The following CLSTN1 variants were observed in gnomAD, a reference collection of about 807,000 sequenced individuals.
The protein encoded by CLSTN1 is calsyntenin-1.
A neutral mutation model predicts 108.3 loss-of-function variants in CLSTN1; 28 were observed. The ratio of observed to expected loss-of-function variants is 0.26; its 90% CI spans 0.19 to 0.35. CLSTN1 has a LOEUF of 0.35. Among genes scored for constraint, CLSTN1 ranks in the 10% least tolerant of loss-of-function variants. CLSTN1 has a pLI of 1.00. For synonymous variants in CLSTN1, 524 were observed against 534.9 expected (o/e 0.98, Z 0.28); for missense variants, 1,157 against 1,302.6 (o/e 0.89, Z 1.72).
At chr1:9,760,956 C>T (rs1370300733) in intron 2 of CLSTN1, among the ~76,000 whole-genome samples, 1 of 151,996 alleles carries the variant, frequency 6.6e-6, no homozygotes, top group Non-Finnish European at 1.5e-5. Context: ...AAGGACCTCT[C>T]AGAATTGCCT....
In CLSTN1 at chr1:9,730,384, G is replaced by A. The variant is rs1200549701; in HGVS notation, c.*124C>T. On this transcript the variant is annotated 3_prime_UTR_variant, in exon 19 of 19. Coordinates refer to ENST00000377298, the MANE Select transcript of CLSTN1 (RefSeq NM_001009566.3). The surrounding 1 kb of genome is among the most constrained non-coding windows in gnomAD (Gnocchi z 5.6). ...ACACACCAAGCACAGCGACGATCGTGGCGGGGAGGGGTCTGCACACCTACT... is the reference window on the plus strand; with the variant it reads ...ACACACCAAGCACAGCGACGATCGTAGCGGGGAGGGGTCTGCACACCTACT... 1.2e-6 allele frequency: 1 copy of A among 836,194 alleles called. No individual in the cohort carries two copies. Among genetic ancestry groups the A allele is most frequent in the Admixed American group, 1.9e-5 (1 of 51,450 alleles). The allele number at this position is 836,194 out of a possible 1,614,324, so 51.8% of individuals were successfully genotyped here.
rs1650180823 is a variant in CLSTN1, at chr1:9,729,217, G to A, written c.*1291C>T. On this transcript the variant is annotated 3_prime_UTR_variant, in exon 19 of 19. Transcript: ENST00000377298. Reference sequence around the variant, plus strand: ...GGCCACACATAGCACAGCCACCAGTGTCCTCAGAACTAGCAGTCAGGGTCA... The same window carrying A: ...GGCCACACATAGCACAGCCACCAGTATCCTCAGAACTAGCAGTCAGGGTCA... 6.6e-6 allele frequency: 1 copy of A among 152,348 alleles called. No homozygotes were observed. The highest frequency in any genetic ancestry group is 2.1e-4 in the South Asian group (1 of 4,832). 9.4% of individuals were successfully genotyped at this position (152,348 alleles called of 1,614,324 possible).
At chr1:9,736,660 A>G (rs1304286655) in intron 11 of CLSTN1, among the ~76,000 whole-genome samples, 1 of 152,216 alleles carries the variant, frequency 6.6e-6, no homozygotes, top group Non-Finnish European at 1.5e-5. Flanking sequence ...AGCCAGAAAC[A>G]GGTTACACTA....
intron 2 of CLSTN1, among the ~76,000 whole-genome samples, chr1:9,769,204 C>T (rs1054029851): frequency 6.6e-6 from 1 of 151,682 alleles, no homozygotes; most frequent in African/African-American, 2.4e-5. Context: ...GGCTGCAGGT[C>T]AGGTGCTCCC....
intron 1 of CLSTN1, among the ~76,000 whole-genome samples, chr1:9,795,189 G>T (rs1430646832): frequency 6.7e-6 from 1 of 148,184 alleles, no homozygotes; most frequent in African/African-American, 2.5e-5. Context: ...TTTTGAGGTG[G>T]AGTTTCGTTC....
intron 1 of CLSTN1, among the ~76,000 whole-genome samples, chr1:9,777,732 C>G (rs2101177119): frequency 6.6e-6 from 1 of 152,270 alleles, no homozygotes; most frequent in South Asian, 2.1e-4. Context: ...CTCGTCTCTA[C>G]CCCCGCTCCC....
chr1:9,775,834 T>A (rs1652912429), intron 1 of CLSTN1, among the ~76,000 whole-genome samples: 1 of 152,158 alleles, frequency 6.6e-6, no homozygotes, highest in Non-Finnish European at 1.5e-5. Flanking sequence ...CATTCCAGGA[T>A]GTGATGCTAC....
intron 11 of CLSTN1, among the ~76,000 whole-genome samples, chr1:9,736,826 C>T (rs758882643): frequency 6.6e-6 from 1 of 152,156 alleles, no homozygotes; most frequent in African/African-American, 2.4e-5. Flanking sequence ...GTAATCCCAG[C>T]GCTTCAGGAG....
intron 7 of CLSTN1, among the ~76,000 whole-genome samples, chr1:9,749,016 C>T (rs148149791): frequency 1.3e-5 from 2 of 152,022 alleles, no homozygotes; most frequent in African/African-American, 2.4e-5. Flanking sequence ...GTGATCCTCC[C>T]GCTCAGCCTC....
intron 10 of CLSTN1, among the ~76,000 whole-genome samples, chr1:9,738,562 G>A (rs988003199): frequency 2.0e-5 from 3 of 152,192 alleles, no homozygotes; most frequent in Non-Finnish European, 4.4e-5. Flanking sequence ...AGCTCTCCAC[G>A]GCCAACGTGT....
At chr1:9,732,399 C>A (rs935212682) in intron 16 of CLSTN1, among the ~76,000 whole-genome samples, 1 of 152,120 alleles carries the variant, frequency 6.6e-6, no homozygotes, top group Non-Finnish European at 1.5e-5. Flanking sequence ...AAAGATTATG[C>A]CCAAAACAAG....
intron 1 of CLSTN1, among the ~76,000 whole-genome samples, chr1:9,812,810 T>C (rs1222407860): frequency 6.8e-6 from 1 of 146,338 alleles, no homozygotes; most frequent in African/African-American, 2.6e-5. Flanking sequence ...ATCACGCCAT[T>C]GCATTGCAGC....
At chr1:9,817,685 C>T (rs892150056) in intron 1 of CLSTN1, among the ~76,000 whole-genome samples, 6 of 152,124 alleles carry the variant, frequency 3.9e-5, no homozygotes, top group South Asian at 2.1e-4. Flanking sequence ...CTTTGAAGTA[C>T]GTGAATCTCT....
intron 1 of CLSTN1, among the ~76,000 whole-genome samples, chr1:9,817,603 C>T (rs984861552): frequency 6.6e-6 from 1 of 152,168 alleles, no homozygotes; most frequent in African/African-American, 2.4e-5. Context: ...GCTGGGATTA[C>T]AGTTGTGAGC....
chr1:9,768,287 T>C (rs1652451753), intron 2 of CLSTN1, among the ~76,000 whole-genome samples: 4 of 119,140 alleles, frequency 3.4e-5, no homozygotes, highest in African/African-American at 9.8e-5. Flanking sequence ...TTGGGCAAGA[T>C]CATGGGGGCG....
At position 9,735,578 on chromosome 1, in the gene CLSTN1, T is replaced by A; in HGVS notation, c.1772A>T (p.Glu591Val). 6.2e-7 allele frequency: 1 copy of A among 1,614,080 alleles called. No homozygotes were observed. The highest frequency in any genetic ancestry group is 8.5e-7 in the Non-Finnish European group (1 of 1,180,024). Reference sequence around the variant, plus strand: ...ATCCAATTCCCCGAGGTCTTCTCCCTCCAAGGTCAATACCAACTGGCTGGG... The same window carrying A: ...ATCCAATTCCCCGAGGTCTTCTCCCACCAAGGTCAATACCAACTGGCTGGG... ...AHPSQLVLTLEGEDLGELDKA... is the reference protein window; with the variant it reads ...AHPSQLVLTLVGEDLGELDKA... Residue 591 changes from glutamate (E) to valine (V), a missense_variant, in exon 13 of 19, where the codon GAG becomes GTG. Glu to Val is a moderately radical substitution (Grantham distance 121). Transcript: ENST00000377298.
At position 9,749,680 on chromosome 1, in the gene CLSTN1, G is replaced by GAA. The variant is rs776535119; in HGVS notation, c.800-36_800-35dup. On this transcript the variant is annotated intron_variant, in intron 6 of 18. Transcript: ENST00000377298. ...GTCCACAAGTCAGCAGGGGAAGAGAGAAGGAAAACACACACTCTAGGTTGC... is the reference window on the plus strand; with the variant it reads ...GTCCACAAGTCAGCAGGGGAAGAGAGAAAAGGAAAACACACACTCTAGGTTGC... The GAA allele has an allele frequency of 3.1e-6, 5 of 1,611,302 alleles. No homozygotes were observed. In the South Asian group the frequency reaches 5.5e-5, roughly 18 times the overall value.
At position 9,823,271 on chromosome 1, in the gene CLSTN1, G is replaced by A. The variant is rs1570536418; in HGVS notation, c.91+372C>T. Among the ~76,000 whole-genome samples, 1 of 152,200 alleles carries A rather than the reference G, an allele frequency of 6.6e-6. No individual in the cohort carries two copies. Among genetic ancestry groups the A allele is most frequent in the Admixed American group, 6.5e-5 (1 of 15,286 alleles). Reference sequence around the variant, plus strand: ...CCAGCCTGCGTGCGCCGCTGAGCAGGGCGGACTGACCCTTCGGCCCGTCTG... The same window carrying A: ...CCAGCCTGCGTGCGCCGCTGAGCAGAGCGGACTGACCCTTCGGCCCGTCTG... On this transcript the variant is annotated intron_variant, in intron 1 of 18. Transcript: ENST00000377298. The surrounding 1 kb of genome is among the most constrained non-coding windows in gnomAD (Gnocchi z 6.3).
intron 9 of CLSTN1, among the ~76,000 whole-genome samples, chr1:9,742,779 A>G (rs1651046578): frequency 6.6e-6 from 1 of 152,144 alleles, no homozygotes; most frequent in African/African-American, 2.4e-5. Context: ...GTGGTGGCGC[A>G]CGCCTGTAAT....
Sources: allele counts gnomAD v4.1 joint callset (sites outside exome capture counted in the v4.1 genomes callset), GRCh38; gene constraint gnomAD v4.1.1; non-coding constraint Gnocchi (gnomAD v3.1); transcripts MANE v1.5; gene names NCBI Gene and HGNC (gene_info 2026-07-23, HGNC 2026-07-21).